Variants in TSHZ2 observed in about 807,000 individuals in gnomAD.
TSHZ2 encodes the protein teashirt homolog 2.
Under a neutral mutation model 74.4 loss-of-function variants are expected in TSHZ2, and 21 were observed. That is an observed-to-expected ratio of 0.28 (90% CI 0.20 to 0.41). The LOEUF is 0.41. TSHZ2 is among the 10% of genes least tolerant of loss of function. The pLI, the probability that TSHZ2 is intolerant of heterozygous loss-of-function variation, is 1.00. For synonymous variants in TSHZ2, 540 were observed against 515.3 expected, an observed-to-expected ratio of 1.05 and a Z score of -0.65; for missense variants, 1,244 against 1,293.5, an observed-to-expected ratio of 0.96 and a Z score of 0.59.
chr20:53,196,424 A>T (rs530450095), intron 1 of TSHZ2: 10 of 149,418 alleles, frequency 6.7e-5, no homozygotes, highest in Non-Finnish European at 1.5e-4. Flanking sequence ...TACGCCACCT[A>T]GTGAAGTTCT....
intron 2 of TSHZ2, among the ~76,000 whole-genome samples, chr20:53,381,145 A>G (rs916132223): frequency 6.6e-6 from 1 of 152,234 alleles, no homozygotes; most frequent in Non-Finnish European, 1.5e-5. Flanking sequence ...AAGAGAATGT[A>G]TAAAATATGT....
At chr20:53,243,208 G>C (rs1175224248) in intron 1 of TSHZ2, among the ~76,000 whole-genome samples, 1 of 152,086 alleles carries the variant, frequency 6.6e-6, no homozygotes, top group Non-Finnish European at 1.5e-5. Context: ...GGAATTTCAA[G>C]GGCCTTAAAG....
intron 1 of TSHZ2, among the ~76,000 whole-genome samples, chr20:52,999,757 G>A (rs928082091): frequency 6.6e-5 from 10 of 152,124 alleles, no homozygotes; most frequent in African/African-American, 2.4e-4. Flanking sequence ...GGGATTTCTG[G>A]GGGTGGAAAA....
At chr20:53,388,788 A>G (rs914060823) in intron 2 of TSHZ2, among the ~76,000 whole-genome samples, 14 of 151,848 alleles carry the variant, frequency 9.2e-5, no homozygotes, top group Admixed American at 2.6e-4. Context: ...TCACCATGTT[A>G]GCCAGGCTGG....
intron 1 of TSHZ2, among the ~76,000 whole-genome samples, chr20:53,031,803 C>G (rs1417373248): frequency 2.0e-5 from 3 of 151,890 alleles, no homozygotes; most frequent in South Asian, 2.1e-4. Context: ...ATATGTTACT[C>G]AAGAGAAAAT....
chr20:53,390,675 T>C (rs1365455797), intron 2 of TSHZ2, among the ~76,000 whole-genome samples: 1 of 152,200 alleles, frequency 6.6e-6, no homozygotes, highest in Non-Finnish European at 1.5e-5. Context: ...AGTAATGGGA[T>C]TGCTGGGTCA....
intron 2 of TSHZ2, among the ~76,000 whole-genome samples, chr20:53,300,515 C>T (rs1253917777): frequency 2.6e-5 from 4 of 152,176 alleles, no homozygotes; most frequent in Non-Finnish European, 5.9e-5. Flanking sequence ...TTTTCTTTCT[C>T]CTTCTTCTCT....
chr20:53,128,233 C>A (rs1987001399), intron 1 of TSHZ2, among the ~76,000 whole-genome samples: 1 of 152,150 alleles, frequency 6.6e-6, no homozygotes, highest in African/African-American at 2.4e-5. Flanking sequence ...GAGGCTCAAC[C>A]CCATATGGGA....
chr20:53,049,790 G>A (rs930567708), intron 1 of TSHZ2, among the ~76,000 whole-genome samples: 11 of 152,006 alleles, frequency 7.2e-5, no homozygotes, highest in African/African-American at 2.2e-4. Context: ...TGAATCAATA[G>A]TAGGTACTTT....
intron 1 of TSHZ2, among the ~76,000 whole-genome samples, chr20:53,183,592 C>T (rs1988532279): frequency 1.3e-5 from 2 of 152,150 alleles, no homozygotes; most frequent in Admixed American, 1.3e-4. Context: ...CACAACCACA[C>T]ACACACATAT....
chr20:53,439,576 A>G (rs986103877), intron 2 of TSHZ2, among the ~76,000 whole-genome samples: 1 of 152,224 alleles, frequency 6.6e-6, no homozygotes. Context: ...GAGTCTCACA[A>G]ATTACATGCT....
intron 2 of TSHZ2, among the ~76,000 whole-genome samples, chr20:53,288,152 C>T (rs566839278): frequency 7.9e-5 from 12 of 152,210 alleles, no homozygotes; most frequent in Non-Finnish European, 1.2e-4. Flanking sequence ...TGTAATCCCT[C>T]CTGCACTTTG....
intron 2 of TSHZ2, among the ~76,000 whole-genome samples, chr20:53,284,763 G>T (rs902728289): frequency 2.0e-5 from 3 of 149,586 alleles, no homozygotes; most frequent in Non-Finnish European, 4.4e-5. Context: ...GAAAGAGAGA[G>T]GAGAGAGAAA....
intron 2 of TSHZ2, among the ~76,000 whole-genome samples, chr20:53,357,584 G>T (rs976467352): frequency 3.3e-5 from 5 of 152,078 alleles, no homozygotes; most frequent in Non-Finnish European, 7.4e-5. Context: ...AAAAATGTGA[G>T]CTCTTGATAC....
intron 1 of TSHZ2, among the ~76,000 whole-genome samples, chr20:53,052,663 G>T (rs1374531680): frequency 6.6e-6 from 1 of 152,164 alleles, no homozygotes; most frequent in East Asian, 1.9e-4. Flanking sequence ...TCCTGTGTAT[G>T]CATATACTAC....
At chr20:53,392,380 G>T (rs137952459) in intron 2 of TSHZ2, among the ~76,000 whole-genome samples, 2 of 152,276 alleles carry the variant, frequency 1.3e-5, no homozygotes, top group Non-Finnish European at 2.9e-5. Flanking sequence ...GGAGGCAGAG[G>T]TTGCAGTGAG....
At position 53,475,460 on chromosome 20, in the gene TSHZ2, C is replaced by T. The variant is rs1431886477; in HGVS notation, c.*9-11684C>T. On this transcript the variant is annotated intron_variant, in intron 2 of 2. Coordinates refer to ENST00000371497, the MANE Select transcript of TSHZ2 (RefSeq NM_173485.6). ...AAATGAAGATGTTCTTTGAAACCAACGAGAACAAAGACACAACATACCAGA... is the reference window on the plus strand; with the variant it reads ...AAATGAAGATGTTCTTTGAAACCAATGAGAACAAAGACACAACATACCAGA... Among the ~76,000 whole-genome samples the T allele has an allele frequency of 8.7e-4, 98 of 112,802 alleles. 5 individuals are homozygous for T. The highest frequency in any genetic ancestry group is 2.1e-3 in the African/African-American group (56 of 26,470). The allele number at this position is 112,802 out of a possible 152,430, so 74.0% of individuals were successfully genotyped here. A position where few individuals can be genotyped will look rare whatever the true frequency, so the allele number is the denominator to read the frequency against.
At chr20:53,269,653 C>T (rs1168753131) in intron 2 of TSHZ2, among the ~76,000 whole-genome samples, 1 of 152,148 alleles carries the variant, frequency 6.6e-6, no homozygotes, top group East Asian at 1.9e-4. Context: ...AACACACGAA[C>T]TTAGAATAGT....
chr20:53,024,368 G>C (rs1983358649), intron 1 of TSHZ2, among the ~76,000 whole-genome samples: 1 of 150,464 alleles, frequency 6.6e-6, no homozygotes, highest in Admixed American at 6.7e-5. Context: ...TTTGTGCCTT[G>C]GAACCAGGCA....
Sources: gnomAD v4.1 joint callset for allele counts (sites outside exome capture counted in the v4.1 genomes callset) on GRCh38, gnomAD v4.1.1 for gene constraint, MANE v1.5 for transcripts, NCBI Gene and HGNC (gene_info 2026-07-23, HGNC 2026-07-21) for gene names.